PKHD1: variants seen among roughly 807,000 people sequenced by gnomAD.
PKHD1 encodes fibrocystin.
A neutral mutation model predicts 412.0 loss-of-function variants in PKHD1; 291 were observed. That is an observed-to-expected ratio of 0.71 (90% CI 0.64 to 0.78). The LOEUF is 0.78. PKHD1 is among the 30% of genes least tolerant of loss of function. The pLI, the probability that PKHD1 is intolerant of heterozygous loss-of-function variation, is 0.00. For missense variants in PKHD1, 4,825 were observed against 4,950.7 expected, an observed-to-expected ratio of 0.97 and a Z score of 0.76; for synonymous variants, 1,777 against 1,821.5, an observed-to-expected ratio of 0.98 and a Z score of 0.62.
At chr6:51,741,552 G>A (rs1214709207) in intron 60 of PKHD1, among the ~76,000 whole-genome samples, 3 of 152,140 alleles carry the variant, frequency 2.0e-5, no homozygotes, top group South Asian at 2.1e-4. Context: ...GGGGAGCCAG[G>A]ATTTGAAATA....
At chr6:51,993,361 T>C (rs537814923) in intron 35 of PKHD1, among the ~76,000 whole-genome samples, 32 of 152,336 alleles carry the variant, frequency 2.1e-4, no homozygotes, top group Admixed American at 3.9e-4. Flanking sequence ...GACGTCTCAT[T>C]ATGCACCAGA....
intron 54 of PKHD1, among the ~76,000 whole-genome samples, chr6:51,775,129 G>A (rs1055739265): frequency 2.6e-5 from 4 of 151,290 alleles, no homozygotes; most frequent in Admixed American, 2.0e-4. Flanking sequence ...ATAAAGTATA[G>A]TGAACTTATT....
At chr6:51,807,811 C>T (rs1303165998) in intron 52 of PKHD1, among the ~76,000 whole-genome samples, 1 of 151,988 alleles carries the variant, frequency 6.6e-6, no homozygotes, top group Non-Finnish European at 1.5e-5. Flanking sequence ...GAACATCATG[C>T]AGGGTGAGAA....
chr6:51,816,285 C>T lies in PKHD1; in HGVS notation c.8302+14576G>A, dbSNP rs192175299. On this transcript the variant is annotated intron_variant, in intron 52 of 66. Coordinates refer to ENST00000371117, the MANE Select transcript of PKHD1 (RefSeq NM_138694.4). Reference sequence around the variant, plus strand: ...TTCTTCAGTAAGTCATCATTCAAACCTATGTTGGAAGCCCCCTACTTACTT... The same window carrying T: ...TTCTTCAGTAAGTCATCATTCAAACTTATGTTGGAAGCCCCCTACTTACTT... 6.6e-5 allele frequency among the ~76,000 whole-genome samples: 10 copies of T among 152,170 alleles called. No individual in the cohort carries two copies. In the East Asian group the frequency reaches 1.3e-3, roughly 21 times the overall value.
intron 36 of PKHD1, among the ~76,000 whole-genome samples, chr6:51,937,191 A>G (rs2127783058): frequency 6.6e-6 from 1 of 152,350 alleles, no homozygotes; most frequent in East Asian, 1.9e-4. Flanking sequence ...ACCAATTGCC[A>G]GTCAGAAAAT....
intron 36 of PKHD1, among the ~76,000 whole-genome samples, chr6:51,937,086 T>G (rs1388210395): frequency 1.3e-5 from 2 of 152,182 alleles, no homozygotes; most frequent in Non-Finnish European, 2.9e-5. Flanking sequence ...ATCTGCATAA[T>G]AAGAACCTTG....
intron 36 of PKHD1, among the ~76,000 whole-genome samples, chr6:51,937,223 G>A (rs1787644052): frequency 1.3e-5 from 2 of 152,100 alleles, no homozygotes; most frequent in Non-Finnish European, 2.9e-5. Context: ...TCTATGACCT[G>A]GAAGCCCCCA....
intron 37 of PKHD1, among the ~76,000 whole-genome samples, chr6:51,926,582 T>G (rs921279591): frequency 6.6e-6 from 1 of 152,174 alleles, no homozygotes; most frequent in Admixed American, 6.5e-5. Context: ...ATTAGCAGTA[T>G]ACATTTACAT....
intron 53 of PKHD1, among the ~76,000 whole-genome samples, chr6:51,788,688 C>G (rs561398460): frequency 6.6e-6 from 1 of 150,866 alleles, no homozygotes; most frequent in African/African-American, 2.5e-5. Context: ...GTAAGGATAA[C>G]TGGCTTTATG....
intron 41 of PKHD1, among the ~76,000 whole-genome samples, chr6:51,905,152 C>T (rs189306760): frequency 3.9e-5 from 6 of 152,244 alleles, no homozygotes; most frequent in Admixed American, 3.3e-4. Flanking sequence ...AAATATCAAA[C>T]GGTATTTAAC....
intron 48 of PKHD1, among the ~76,000 whole-genome samples, chr6:51,858,607 A>AT (rs1437014447): frequency 6.7e-6 from 1 of 150,098 alleles, no homozygotes; most frequent in African/African-American, 2.4e-5. Flanking sequence ...ATGGGCTTGG[A>AT]TTTATTTAAA....
At position 51,903,622 on chromosome 6, in the gene PKHD1, A is replaced by G. The variant is rs1184916537; in HGVS notation, c.6971T>C (p.Ile2324Thr). 2.5e-6 allele frequency: 4 copies of G among 1,611,404 alleles called. No homozygotes were observed. In the South Asian group the frequency reaches 4.4e-5, roughly 18 times the overall value. Residue 2324 changes from isoleucine to threonine, a missense_variant, in exon 43 of 67, where the codon ATC becomes ACC. By Grantham distance (89) the Ile-to-Thr change is moderately conservative. Coordinates refer to ENST00000371117, the MANE Select transcript of PKHD1 (RefSeq NM_138694.4). ...CTCTATAACATTGGTGGGACTGCAG[A>G]TATAGATGCCAGATGGTGTCAACAT... is the stretch of plus-strand genomic sequence containing the variant. ...PEMLTPSGIY[I>T]CSPTNVIEGN...
chr6:51,796,768 C>G (rs990734507), intron 52 of PKHD1, among the ~76,000 whole-genome samples: 2 of 151,238 alleles, frequency 1.3e-5, no homozygotes, highest in African/African-American at 4.9e-5. Context: ...AAGAGTCATT[C>G]AGGAGGAGAA....
In PKHD1 at chr6:52,069,488, T is replaced by C. The variant is rs1220186186; in HGVS notation, c.747A>G (p.Lys249=). The C allele has an allele frequency of 6.2e-7, 1 of 1,613,338 alleles. No individual in the cohort carries two copies. The highest frequency in any genetic ancestry group is 8.5e-7 in the Non-Finnish European group (1 of 1,179,322). ...VHKKAWLISA[K]QDLFLYQTHS... ...GTGTCTGGTATAGGAAAAGATCCTG[T>C]TTAGCACTGATCAGCCATGCCTTCT... is the stretch of plus-strand genomic sequence containing the variant. Residue 249 remains lysine (K), a synonymous_variant, in exon 11 of 67, where the codon AAA becomes AAG. Coordinates refer to ENST00000371117, the MANE Select transcript of PKHD1 (RefSeq NM_138694.4).
intron 63 of PKHD1, 27 bp from the exon 64 acceptor site, chr6:51,638,983 A>G (rs1768971720): frequency 1.4e-6 from 2 of 1,469,490 alleles, no homozygotes; most frequent in Non-Finnish European, 1.9e-6. Flanking sequence ...AACAAAAATT[A>G]GCTGTTTATT....
intron 37 of PKHD1, among the ~76,000 whole-genome samples, chr6:51,920,585 C>T (rs895990848): frequency 2.8e-4 from 43 of 152,088 alleles, no homozygotes; most frequent in Non-Finnish European, 5.7e-4. Flanking sequence ...GTCTAAAATT[C>T]TCTTTTTTGG....
At chr6:51,755,427 A>C (rs1489668483) in intron 55 of PKHD1, among the ~76,000 whole-genome samples, 1 of 152,150 alleles carries the variant, frequency 6.6e-6, no homozygotes, top group Non-Finnish European at 1.5e-5. Context: ...TGAATCGTAG[A>C]GGTGTCACTT....
chr6:51,660,104 G>A (rs1162816454), intron 60 of PKHD1, 135 bp from the exon 61 acceptor site: 4 of 576,038 alleles, frequency 6.9e-6, no homozygotes, highest in African/African-American at 3.8e-5. Context: ...CAGATACTGA[G>A]AGTGCAAGGA....
intron 6 of PKHD1, 25 bp downstream of exon 6, chr6:52,076,251 C>G: frequency 6.5e-7 from 1 of 1,528,706 alleles, no homozygotes; most frequent in Non-Finnish European, 9.1e-7. Flanking sequence ...CACAATTATT[C>G]CTATTTTAAT....
Sources: gnomAD v4.1 joint callset for allele counts (sites outside exome capture counted in the v4.1 genomes callset) on GRCh38, gnomAD v4.1.1 for gene constraint, MANE v1.5 for transcripts, NCBI Gene and HGNC (gene_info 2026-07-23, HGNC 2026-07-21) for gene names.